The following BMPR1B variants were observed in gnomAD, a reference collection of about 807,000 sequenced individuals.
BMPR1B encodes bone morphogenetic protein receptor type-1B.
A neutral mutation model predicts 59.1 loss-of-function variants in BMPR1B; 12 were observed. The ratio of observed to expected loss-of-function variants is 0.20; its 90% CI spans 0.13 to 0.33. The LOEUF (loss-of-function observed/expected upper bound fraction) is 0.33, where lower values mean the gene tolerates loss of function less well. Ranked by LOEUF, BMPR1B falls within the 10% of genes least tolerant of loss-of-function variation. The probability of loss-of-function intolerance (pLI) is 1.00; values close to 1 mark genes in which losing one functional copy is unlikely to be tolerated. For synonymous variants in BMPR1B, 237 were observed against 207.3 expected, an observed-to-expected ratio of 1.14 and a Z score of -1.23; for missense variants, 550 against 610.9, an observed-to-expected ratio of 0.90 and a Z score of 1.05.
intron 3 of BMPR1B, chr4:95,091,586 A>G (rs1311344874): frequency 2.0e-6 from 2 of 985,066 alleles, no homozygotes; most frequent in Admixed American, 6.2e-5. Flanking sequence ...CTCTCATCCT[A>G]GGGAGCCTGG....
chr4:95,134,332 T>G (rs1265751066), intron 10 of BMPR1B, among the ~76,000 whole-genome samples: 1 of 152,228 alleles, frequency 6.6e-6, no homozygotes, highest in Non-Finnish European at 1.5e-5. Flanking sequence ...ACAGTAAATG[T>G]GTGCATGTGT....
At chr4:95,114,486 T>A (rs992087937) in intron 4 of BMPR1B, among the ~76,000 whole-genome samples, 1 of 152,188 alleles carries the variant, frequency 6.6e-6, no homozygotes, top group African/African-American at 2.4e-5. Context: ...ATCCTTCTTT[T>A]TCACAAGTTT....
intron 1 of BMPR1B, among the ~76,000 whole-genome samples, chr4:94,817,344 T>C (rs548409639): frequency 6.6e-6 from 1 of 152,346 alleles, no homozygotes; most frequent in African/African-American, 2.4e-5. Flanking sequence ...CTGAGAAGAA[T>C]ATGCCATAAA....
At chr4:95,086,367 G>T (rs1729575197) in intron 3 of BMPR1B, among the ~76,000 whole-genome samples, 2 of 152,302 alleles carry the variant, frequency 1.3e-5, no homozygotes, top group South Asian at 2.1e-4. Context: ...TTGTTACACA[G>T]CAGTCAAAAT....
chr4:94,852,947 G>A (rs1725620736), intron 1 of BMPR1B, among the ~76,000 whole-genome samples: 1 of 152,130 alleles, frequency 6.6e-6, no homozygotes, highest in Admixed American at 6.5e-5. Flanking sequence ...AGAAATATTA[G>A]GTGGTTTAAA....
At chr4:94,934,149 C>T (rs553740457) in intron 2 of BMPR1B, among the ~76,000 whole-genome samples, 6 of 152,090 alleles carry the variant, frequency 3.9e-5, no homozygotes, top group Non-Finnish European at 5.9e-5. Flanking sequence ...GTAGCATCCA[C>T]GAATATTTAG....
chr4:95,009,719 T>C (rs1723091480), intron 3 of BMPR1B, among the ~76,000 whole-genome samples: 1 of 152,168 alleles, frequency 6.6e-6, no homozygotes, highest in Non-Finnish European at 1.5e-5. Context: ...GGGCCCTTCA[T>C]AGTTTGGTAA....
chr4:94,926,814 A>C (rs1469120419), intron 2 of BMPR1B, among the ~76,000 whole-genome samples: 3 of 152,134 alleles, frequency 2.0e-5, no homozygotes, highest in Non-Finnish European at 4.4e-5. Context: ...AATCTAGTAG[A>C]TAATGTTTAG....
chr4:94,974,301 G>A (rs1224656167), intron 2 of BMPR1B, among the ~76,000 whole-genome samples: 1 of 151,906 alleles, frequency 6.6e-6, no homozygotes, highest in Non-Finnish European at 1.5e-5. Context: ...TTTTAGCTTG[G>A]TATTTAATTT....
chr4:94,767,527 A>G (rs542920948), intron 1 of BMPR1B, among the ~76,000 whole-genome samples: 1 of 152,318 alleles, frequency 6.6e-6, no homozygotes, highest in East Asian at 1.9e-4. Flanking sequence ...ACAGCTTTGA[A>G]TCTGCATCTC....
In BMPR1B at chr4:94,770,182, G is replaced by GTTTTT. The variant is rs1215939344; in HGVS notation, c.-183+12117_-183+12118insTTTTT. Reference sequence around the variant, plus strand: ...TGTTTGAATTGTCCTTCGTTTCTGTGTTTGTTTTTTTTTTTTTTTTTTGCG... The same window carrying GTTTTT: ...TGTTTGAATTGTCCTTCGTTTCTGTGTTTTTTTTGTTTTTTTTTTTTTTTTTTGCG... On this transcript the variant is annotated intron_variant, in intron 1 of 12. Transcript: ENST00000515059. Among the ~76,000 whole-genome samples the GTTTTT allele has an allele frequency of 5.2e-3, 208 of 39,882 alleles. 22 individuals carry two copies. The highest frequency in any genetic ancestry group is 0.01 in the African/African-American group (119 of 11,442). The allele number at this position is 39,882 out of a possible 152,430, so 26.2% of individuals were successfully genotyped here.
intron 3 of BMPR1B, among the ~76,000 whole-genome samples, chr4:95,058,452 A>G (rs1727094688): frequency 1.3e-5 from 2 of 152,220 alleles, no homozygotes; most frequent in Non-Finnish European, 2.9e-5. Flanking sequence ...TTTACATATA[A>G]GGAAATAGTG....
At chr4:94,849,329 G>C (rs987047236) in intron 1 of BMPR1B, among the ~76,000 whole-genome samples, 5 of 152,152 alleles carry the variant, frequency 3.3e-5, no homozygotes, top group African/African-American at 9.7e-5. Flanking sequence ...AACTTGGAGA[G>C]TCAACGGGTG....
At chr4:95,082,695 CT>C (rs973382905) in intron 3 of BMPR1B, among the ~76,000 whole-genome samples, 2 of 152,018 alleles carry the variant, frequency 1.3e-5, no homozygotes, top group Non-Finnish European at 2.9e-5. Context: ...ATTCAGTACC[CT>C]TTTTTCATGC....
At chr4:95,086,998 C>CTT (rs34460668) in intron 3 of BMPR1B, among the ~76,000 whole-genome samples, 107 of 102,912 alleles carry the variant, frequency 1.0e-3, no homozygotes, top group East Asian at 1.6e-3. Flanking sequence ...TCATATCCTT[C>CTT]TTTTTTTTTT....
Position 95,114,757 on chromosome 4 carries a change from G to A in BMPR1B, c.181G>A (p.Asp61Asn). Residue 61 changes from aspartate to asparagine, a missense_variant, in exon 5 of 13, where the codon GAC (aspartate) becomes AAC (asparagine). Transcript: ENST00000515059. ...TTGTTTCACGATGATAGAAGAGGAT[G>A]ACTCTGGGTTGCCTGTGGTCACTTC... ...GYCFTMIEED[D>N]SGLPVVTSGC... is the part of the protein sequence containing the mutation. 6.2e-7 allele frequency: 1 copy of A among 1,613,808 alleles called. No individual in the cohort carries two copies. Among genetic ancestry groups the A allele is most frequent in the Non-Finnish European group, 8.5e-7 (1 of 1,179,850 alleles).
At chr4:94,774,517 G>GA (rs140308531) in intron 1 of BMPR1B, among the ~76,000 whole-genome samples, 6,813 of 150,588 alleles carry the variant, frequency 0.045, 380 homozygotes, top group African/African-American at 0.13. Context: ...GATTAAAAAT[G>GA]AAAAAAAAAT....
chr4:95,047,994 C>A (rs1316818768), intron 3 of BMPR1B, among the ~76,000 whole-genome samples: 1 of 152,132 alleles, frequency 6.6e-6, no homozygotes, highest in African/African-American at 2.4e-5. Flanking sequence ...TTGTTGCCAT[C>A]TTTATGTCCA....
chr4:95,108,790 C>T (rs1731390903), intron 4 of BMPR1B, among the ~76,000 whole-genome samples: 1 of 152,066 alleles, frequency 6.6e-6, no homozygotes, highest in African/African-American at 2.4e-5. Context: ...TCCTCTCTCC[C>T]TCGAGATACC....
Sources: gnomAD v4.1 joint callset for allele counts (sites outside exome capture counted in the v4.1 genomes callset) on GRCh38, gnomAD v4.1.1 for gene constraint, MANE v1.5 for transcripts, NCBI Gene and HGNC (gene_info 2026-07-23, HGNC 2026-07-21) for gene names.